Variants in EYA4 observed in about 807,000 individuals in gnomAD.
The protein encoded by EYA4 is EYA transcriptional coactivator and phosphatase 4.
In EYA4, 31 loss-of-function variants were observed where a neutral mutation model predicts 87.9. That is an observed-to-expected ratio of 0.35 (90% CI 0.27 to 0.48). The LOEUF (loss-of-function observed/expected upper bound fraction) is 0.48, where lower values mean the gene tolerates loss of function less well. Ranked by LOEUF, EYA4 falls within the 20% of genes least tolerant of loss-of-function variation. The pLI is 0.99. For missense variants in EYA4, 678 were observed against 761.4 expected (o/e 0.89, Z 1.29); for synonymous variants, 263 against 270.6 (o/e 0.97, Z 0.28).
At chr6:133,487,025 C>CCCA (rs1796742244) in intron 13 of EYA4, among the ~76,000 whole-genome samples, 1 of 152,154 alleles carries the variant, frequency 6.6e-6, no homozygotes, top group Non-Finnish European at 1.5e-5. Flanking sequence ...ACACCACCAC[C>CCCA]CCACACCAGT....
intron 2 of EYA4, among the ~76,000 whole-genome samples, chr6:133,328,124 TA>T (rs896119246): frequency 3.9e-5 from 6 of 152,212 alleles, no homozygotes; most frequent in African/African-American, 1.4e-4. Flanking sequence ...GTTCTATACC[TA>T]AGTATGGGAA....
chr6:133,371,805 A>G (rs1343723523), intron 2 of EYA4, among the ~76,000 whole-genome samples: 1 of 152,202 alleles, frequency 6.6e-6, no homozygotes, highest in African/African-American at 2.4e-5. Flanking sequence ...TAGAAAAGCC[A>G]GATGACTTCC....
chr6:133,289,846 T>C (rs921664024), intron 2 of EYA4, among the ~76,000 whole-genome samples: 1 of 152,216 alleles, frequency 6.6e-6, no homozygotes, highest in Non-Finnish European at 1.5e-5. Context: ...AGGGCTAATC[T>C]GTTAAAAAGT....
At chr6:133,354,146 T>C (rs1783842735) in intron 2 of EYA4, among the ~76,000 whole-genome samples, 1 of 152,140 alleles carries the variant, frequency 6.6e-6, no homozygotes. Context: ...ACATAATAAC[T>C]GCATTAATGT....
chr6:133,428,744 G>A (rs1359854926), intron 3 of EYA4, among the ~76,000 whole-genome samples: 1 of 151,902 alleles, frequency 6.6e-6, no homozygotes, highest in Admixed American at 6.6e-5. Context: ...AGTTTGAATA[G>A]GAACCTCTCC....
At position 133,530,751 on chromosome 6, in the gene EYA4, TA is replaced by T. The variant is rs1174469803; in HGVS notation, c.*1949del. 1.0e-6 allele frequency: 1 copy of T among 986,094 alleles called. No homozygotes were observed. Among genetic ancestry groups the T allele is most frequent in the Admixed American group, 6.1e-5 (1 of 16,390 alleles). 61.1% of individuals were successfully genotyped at this position (986,094 alleles called of 1,614,324 possible). On this transcript the variant is annotated 3_prime_UTR_variant, in exon 20 of 20. Coordinates refer to ENST00000355286, the MANE Select transcript of EYA4 (RefSeq NM_004100.5). ...GATTGTGATTTCATTATCTAAACCTTAAACTTAATCCTTTAAATTTTGTAGC... is the reference window on the plus strand; with the variant it reads ...GATTGTGATTTCATTATCTAAACCTTAACTTAATCCTTTAAATTTTGTAGC...
intron 1 of EYA4, among the ~76,000 whole-genome samples, chr6:133,264,911 A>G (rs1776091389): frequency 6.6e-6 from 1 of 152,130 alleles, no homozygotes; most frequent in Admixed American, 6.5e-5. Flanking sequence ...AGCTCACTGC[A>G]GCCTTGAACT....
At chr6:133,328,094 C>T (rs1781645178) in intron 2 of EYA4, among the ~76,000 whole-genome samples, 2 of 152,166 alleles carry the variant, frequency 1.3e-5, no homozygotes, top group Non-Finnish European at 2.9e-5. Context: ...AGAAGTCAGA[C>T]TACCTGATGT....
chr6:133,355,420 G>A (rs1458152653), intron 2 of EYA4, among the ~76,000 whole-genome samples: 2 of 152,148 alleles, frequency 1.3e-5, no homozygotes, highest in Admixed American at 1.3e-4. Context: ...GCAAAGACAT[G>A]GAATTAGCCT....
intron 17 of EYA4, among the ~76,000 whole-genome samples, chr6:133,517,918 T>C (rs569437493): frequency 6.6e-6 from 1 of 152,296 alleles, no homozygotes; most frequent in East Asian, 1.9e-4. Flanking sequence ...TCAATTAGAT[T>C]TCTCCCTGTG....
rs1409560811 is a variant in EYA4 at position 133,512,741 on chromosome 6, AGAT to A, written c.1307_1309del (p.Asp436del). Reference sequence around the variant, plus strand: ...AACAGGAGTGTGATCAAGTTCATATAGATGATGTTTCCTCTGATGATAATGGGC... The same window carrying A: ...AACAGGAGTGTGATCAAGTTCATATAGATGTTTCCTCTGATGATAATGGGC... On this transcript the variant is annotated inframe_deletion, in exon 15 of 20. Transcript: ENST00000355286. 1 of 1,612,602 alleles carries A rather than the reference AGAT, an allele frequency of 6.2e-7. No homozygotes were observed. Among genetic ancestry groups the A allele is most frequent in the African/African-American group, 1.3e-5 (1 of 74,928 alleles).
intron 5 of EYA4, among the ~76,000 whole-genome samples, chr6:133,450,982 T>C (rs1228629675): frequency 6.6e-6 from 1 of 152,228 alleles, no homozygotes; most frequent in Non-Finnish European, 1.5e-5. Context: ...TAGATTTTCC[T>C]TTGAAATTGT....
chr6:133,433,487 A>G (rs1262343400), intron 3 of EYA4, among the ~76,000 whole-genome samples: 1 of 152,180 alleles, frequency 6.6e-6, no homozygotes, highest in Non-Finnish European at 1.5e-5. Flanking sequence ...GTGCTTTTCA[A>G]CATGACTACA....
At position 133,367,980 on chromosome 6, in the gene EYA4, C is replaced by T. The variant is rs552236315; in HGVS notation, c.34-14412C>T. Among the ~76,000 whole-genome samples, 7 of 152,168 alleles carry T rather than the reference C, an allele frequency of 4.6e-5. No homozygotes were observed. The East Asian group carries it at 1.2e-3, about 25-fold the overall frequency. On this transcript the variant is annotated intron_variant, in intron 2 of 19. Transcript: ENST00000355286. Reference sequence around the variant, plus strand: ...AACCTCTATGTTTGTTCCCAGGTCACATAATTAATTGGTGGCAGTATGCTG... The same window carrying T: ...AACCTCTATGTTTGTTCCCAGGTCATATAATTAATTGGTGGCAGTATGCTG...
intron 3 of EYA4, among the ~76,000 whole-genome samples, chr6:133,422,372 T>G (rs1790294523): frequency 6.6e-6 from 1 of 152,228 alleles, no homozygotes; most frequent in African/African-American, 2.4e-5. Flanking sequence ...AAATATAAAA[T>G]TGTATGCATA....
chr6:133,274,676 G>T (rs1777017547), intron 1 of EYA4, 40 bp from the exon 2 acceptor site: 1 of 932,470 alleles, frequency 1.1e-6, no homozygotes, highest in Non-Finnish European at 1.8e-6. Flanking sequence ...TGAATATAAA[G>T]ATAACATTTT....
At chr6:133,467,262 G>A (rs1196423193) in intron 10 of EYA4, among the ~76,000 whole-genome samples, 1 of 152,012 alleles carries the variant, frequency 6.6e-6, no homozygotes, top group African/African-American at 2.4e-5. Flanking sequence ...AGGCACTCTG[G>A]GTTTAAATTC....
At chr6:133,505,123 T>C (rs1289694964) in intron 13 of EYA4, among the ~76,000 whole-genome samples, 2 of 152,362 alleles carry the variant, frequency 1.3e-5, no homozygotes, top group Non-Finnish European at 2.9e-5. Context: ...CTTTCTCTTA[T>C]CTTCGGAGTT....
At chr6:133,263,411 G>A (rs1775955518) in intron 1 of EYA4, among the ~76,000 whole-genome samples, 1 of 151,690 alleles carries the variant, frequency 6.6e-6, no homozygotes, top group African/African-American at 2.4e-5. Context: ...CTCTTTCTCG[G>A]TCAGTTCTCT....
Sources: gnomAD v4.1 joint callset for allele counts (sites outside exome capture counted in the v4.1 genomes callset) on GRCh38, gnomAD v4.1.1 for gene constraint, MANE v1.5 for transcripts, NCBI Gene and HGNC (gene_info 2026-07-23, HGNC 2026-07-21) for gene names.